Variants in COL22A1 observed in about 807,000 individuals in gnomAD.
COL22A1 encodes the protein collagen alpha-1(XXII) chain.
COL22A1 carries 221 observed loss-of-function variants against 248.9 expected under a neutral mutation model. The ratio of observed to expected loss-of-function variants is 0.89; its 90% CI spans 0.80 to 0.99. COL22A1 has a LOEUF of 0.99. Among genes scored for constraint, COL22A1 ranks in the 50% least tolerant of loss-of-function variants. The pLI is 0.00. For missense variants in COL22A1, 2,240 were observed against 2,179.0 expected, an observed-to-expected ratio of 1.03 and a Z score of -0.56; for synonymous variants, 891 against 793.4, an observed-to-expected ratio of 1.12 and a Z score of -2.07.
At position 138,737,776 on chromosome 8, in the gene COL22A1, G is replaced by A. The variant is rs573358601; in HGVS notation, c.2086-199C>T. Among the ~76,000 whole-genome samples, 93 of 152,218 alleles carry A rather than the reference G, an allele frequency of 6.1e-4. 1 individual carries two copies. Among genetic ancestry groups the A allele is most frequent in the African/African-American group, 2.0e-3 (84 of 41,532 alleles). ...AGGCTTTTTCTGAGGTCAGCAGTAA[G>A]GCTTGGGATCCCAGCTCTGTAACTT... On this transcript the variant is annotated intron_variant, in intron 22 of 64. Transcript: ENST00000303045.
intron 12 of COL22A1, among the ~76,000 whole-genome samples, chr8:138,794,023 C>A (rs569994806): frequency 2.0e-5 from 3 of 152,254 alleles, no homozygotes; most frequent in African/African-American, 7.2e-5. Flanking sequence ...TTGGAGGAAT[C>A]CCCGGGTGCC....
chr8:138,806,042 TGGTGTAGGTAATG>T (rs1817629064), intron 10 of COL22A1, among the ~76,000 whole-genome samples: 1 of 4,580 alleles, frequency 2.2e-4, no homozygotes, highest in Non-Finnish European at 5.1e-4. Context: ...GTGTGTGTGA[TGGTGTAGGTAATG>T]GTGTGTGGTG....
In COL22A1 at chr8:138,662,022, G is replaced by C; in HGVS notation, c.3240+8C>G. ...TTCACTGAGTCCACGCCATTTCTCT[G>C]TACTTACGTCCCGGCCGGCTGGGCC... On this transcript the variant is annotated splice_region_variant and intron_variant, in intron 43 of 64. Coordinates refer to ENST00000303045, the MANE Select transcript of COL22A1 (RefSeq NM_152888.3). 1 of 1,610,276 alleles carries C rather than the reference G, an allele frequency of 6.2e-7. No homozygotes were observed. The highest frequency in any genetic ancestry group is 8.5e-7 in the Non-Finnish European group (1 of 1,177,924).
chr8:138,719,407 T>C (rs1829696581), intron 27 of COL22A1, among the ~76,000 whole-genome samples: 1 of 152,168 alleles, frequency 6.6e-6, no homozygotes, highest in Non-Finnish European at 1.5e-5. Flanking sequence ...CACTGGTACA[T>C]TCATGGGGGC....
chr8:138,889,424 G>T (rs933413926), intron 1 of COL22A1, among the ~76,000 whole-genome samples: 1 of 152,182 alleles, frequency 6.6e-6, no homozygotes, highest in Non-Finnish European at 1.5e-5. Context: ...GGACATGGAT[G>T]AAATTGGAAA....
At chr8:138,647,064 A>C (rs936650889) in intron 46 of COL22A1, among the ~76,000 whole-genome samples, 8 of 152,008 alleles carry the variant, frequency 5.3e-5, no homozygotes, top group Admixed American at 5.2e-4. Flanking sequence ...AAGATGGCTC[A>C]CTCCCACCTT....
At chr8:138,660,775 C>T (rs563758597) in intron 43 of COL22A1, among the ~76,000 whole-genome samples, 209 of 151,784 alleles carry the variant, frequency 1.4e-3, no homozygotes, top group African/African-American at 4.7e-3. Flanking sequence ...TGTGCATGCA[C>T]GCATGCACAC....
intron 10 of COL22A1, among the ~76,000 whole-genome samples, chr8:138,805,446 GGT>G (rs199807265): frequency 7.4e-6 from 1 of 135,952 alleles, no homozygotes; most frequent in Non-Finnish European, 1.6e-5. Context: ...GATGGTGTGT[GGT>G]GTGTGTGATG....
intron 16 of COL22A1, among the ~76,000 whole-genome samples, chr8:138,772,112 G>A (rs917199830): frequency 2.0e-5 from 3 of 152,050 alleles, no homozygotes; most frequent in Non-Finnish European, 4.4e-5. Context: ...AAACCCACCC[G>A]CACATCGCCA....
At chr8:138,701,012 G>T (rs1475004043) in intron 31 of COL22A1, among the ~76,000 whole-genome samples, 1 of 78,856 alleles carries the variant, frequency 1.3e-5, no homozygotes, top group African/African-American at 4.3e-5. Context: ...AAAAAAAAAA[G>T]GCTTCTCAGG....
At chr8:138,649,991 G>C (rs796954036) in intron 45 of COL22A1, among the ~76,000 whole-genome samples, 4 of 152,246 alleles carry the variant, frequency 2.6e-5, no homozygotes, top group African/African-American at 9.6e-5. Flanking sequence ...TAAAAGTTAG[G>C]TTTCAGCACT....
At chr8:138,781,750 T>A (rs1408311044) in intron 12 of COL22A1, among the ~76,000 whole-genome samples, 1 of 152,054 alleles carries the variant, frequency 6.6e-6, no homozygotes, top group Admixed American at 6.5e-5. Context: ...CCAACACCAC[T>A]TGGTGCCAAT....
intron 3 of COL22A1, among the ~76,000 whole-genome samples, chr8:138,852,238 G>A (rs1451862046): frequency 2.0e-5 from 3 of 152,114 alleles, no homozygotes; most frequent in Non-Finnish European, 4.4e-5. Context: ...GCTGTGACAG[G>A]GAAAGGGTGG....
intron 47 of COL22A1, among the ~76,000 whole-genome samples, chr8:138,641,384 A>G (rs578053893): frequency 3.0e-4 from 45 of 152,248 alleles, no homozygotes; most frequent in Middle Eastern, 6.8e-3. Context: ...TATAAGAAGG[A>G]AATAAAAACG....
rs1268389712 is a variant in COL22A1 at position 138,812,942 on chromosome 8, A to G, written c.1323T>C (p.Gly441=). The G allele has an allele frequency of 6.2e-7, 1 of 1,612,172 alleles. No individual in the cohort carries two copies. The highest frequency in any genetic ancestry group is 2.2e-5 in the East Asian group (1 of 44,838). ...ELETCCDIPS[G]PCQVTVVTEP... is the part of the protein sequence containing the mutation. ...CTCTGTGCGAGAGTCTGCTCACCGG[A>G]CCCGAGGGGATATCACAACAAGTCT... is the stretch of plus-strand genomic sequence containing the variant. The change falls in exon 8 of 65, where the codon GGT becomes GGC. Residue 441 remains glycine, a synonymous_variant. Transcript: ENST00000303045.
chr8:138,694,442 G>A (rs1425922471), intron 34 of COL22A1, 66 bp downstream of exon 34: 1 of 1,502,430 alleles, frequency 6.7e-7, no homozygotes, highest in Non-Finnish European at 9.3e-7. Flanking sequence ...GGGTGGCCTG[G>A]AGCGAGAGAG....
At chr8:138,710,399 T>C (rs1389495973) in intron 30 of COL22A1, among the ~76,000 whole-genome samples, 1 of 152,152 alleles carries the variant, frequency 6.6e-6, no homozygotes, top group Non-Finnish European at 1.5e-5. Flanking sequence ...GGTTATGAAA[T>C]AGAAAAATGT....
At chr8:138,747,020 C>T (rs558069282) in intron 22 of COL22A1, among the ~76,000 whole-genome samples, 2 of 152,316 alleles carry the variant, frequency 1.3e-5, no homozygotes, top group East Asian at 3.9e-4. Flanking sequence ...GAGATAGGCC[C>T]ATCTGGAACC....
Position 138,780,943 on chromosome 8 carries a change from C to T in COL22A1, c.1634G>A (p.Gly545Asp), listed in dbSNP as rs765636217. The T allele has an allele frequency of 6.2e-7, 1 of 1,613,336 alleles. No homozygotes were observed. Among genetic ancestry groups the T allele is most frequent in the Admixed American group, 1.7e-5 (1 of 59,972 alleles). ...LGLPGPPGRD[G>D]SKGMRGEPGE... ...AGAACTTACTCTCATGCCTTTGCTG[C>T]CGTCTCTCCCAGGGGGGCCGGGCAG... is the stretch of plus-strand genomic sequence containing the variant. Residue 545 changes from glycine (G) to aspartate (D), a missense_variant, in exon 13 of 65, where the codon GGC becomes GAC. Gly to Asp is a moderately conservative substitution (Grantham distance 94). Transcript: ENST00000303045.
Sources: allele counts gnomAD v4.1 joint callset (sites outside exome capture counted in the v4.1 genomes callset), GRCh38; gene constraint gnomAD v4.1.1; transcripts MANE v1.5; gene names NCBI Gene and HGNC (gene_info 2026-07-23, HGNC 2026-07-21).